The following SCN1A variants were observed in gnomAD, a reference collection of about 807,000 sequenced individuals.
SCN1A encodes the protein sodium channel protein type 1 subunit alpha.
Under a neutral mutation model 193.7 loss-of-function variants are expected in SCN1A, and 13 were observed. The ratio of observed to expected loss-of-function variants is 0.07; its 90% CI spans 0.04 to 0.11. The LOEUF is 0.11. Ranked by LOEUF, SCN1A falls within the 10% of genes least tolerant of loss-of-function variation. The pLI is 1.00. For synonymous variants in SCN1A, 781 were observed against 843.6 expected (o/e 0.93, Z 1.29); for missense variants, 1,432 against 2,451.1 (o/e 0.58, Z 8.78).
chr2:165,995,869 A>T, intron 27 of SCN1A, 144 bp downstream of exon 27: 1 of 639,574 alleles, frequency 1.6e-6, no homozygotes. Flanking sequence ...TTATCATAAA[A>T]GATACAAACA....
intron 24 of SCN1A, among the ~76,000 whole-genome samples, chr2:166,001,139 A>AT (rs1028216159): frequency 2.0e-5 from 3 of 151,386 alleles, no homozygotes; most frequent in Admixed American, 1.3e-4. Context: ...TTCTTGCTAG[A>AT]TTTTTTTTAA....
chr2:166,082,908 A>G (rs1162131617), intron 2 of SCN1A, among the ~76,000 whole-genome samples: 1 of 152,112 alleles, frequency 6.6e-6, no homozygotes, highest in African/African-American at 2.4e-5. Context: ...AATGCTTGCC[A>G]TCTCCTTGTA....
intron 23 of SCN1A, among the ~76,000 whole-genome samples, chr2:166,003,099 G>A (rs1691166057): frequency 6.6e-6 from 1 of 151,236 alleles, no homozygotes; most frequent in Non-Finnish European, 1.5e-5. Context: ...AAGTTAAAAA[G>A]CCTATACAGA....
chr2:166,003,466 A>G (rs145459416), intron 23 of SCN1A, among the ~76,000 whole-genome samples: 1 of 151,714 alleles, frequency 6.6e-6, no homozygotes, highest in Admixed American at 6.6e-5. Context: ...GAGGGATGCC[A>G]TACATAGTTC....
At chr2:166,000,585 C>T (rs1573995314) in intron 24 of SCN1A, among the ~76,000 whole-genome samples, 1 of 151,670 alleles carries the variant, frequency 6.6e-6, no homozygotes, top group East Asian at 2.0e-4. Context: ...GTCTGTATCA[C>T]AATATATCTT....
rs527237832 is a variant in SCN1A at position 165,989,072 on chromosome 2, G to A, written c.*2173C>T. On this transcript the variant is annotated 3_prime_UTR_variant, in exon 29 of 29. Transcript: ENST00000674923. ...TGTGTGTGTGTGTGTGTGTGTGCGC[G>A]CGCGCTCCCCTTCTCCCCCAATTTG... The A allele has an allele frequency of 0.019, 2,089 of 110,426 alleles. 36 individuals are homozygous for A. The highest frequency in any genetic ancestry group is 0.04 in the African/African-American group (1,409 of 34,914). The allele number at this position is 110,426 out of a possible 1,614,324, so 6.8% of individuals were successfully genotyped here. A position where few individuals can be genotyped will look rare whatever the true frequency, so the allele number is the denominator to read the frequency against.
At chr2:166,070,209 A>T (rs1684269738) in intron 4 of SCN1A, among the ~76,000 whole-genome samples, 1 of 152,216 alleles carries the variant, frequency 6.6e-6, no homozygotes, top group Admixed American at 6.5e-5. Flanking sequence ...GAAATTTCAA[A>T]CACATAACTC....
chr2:166,102,077 C>A (rs751152244), intron 2 of SCN1A, among the ~76,000 whole-genome samples: 12 of 152,124 alleles, frequency 7.9e-5, no homozygotes, highest in Non-Finnish European at 1.6e-4. Flanking sequence ...AAAGACAGTT[C>A]TCAAAAGAAT....
chr2:166,002,860 G>T, intron 23 of SCN1A, 107 bp from the exon 24 acceptor site: 2 of 917,854 alleles, frequency 2.2e-6, no homozygotes, highest in Non-Finnish European at 1.6e-6. Flanking sequence ...TTCTATCAAT[G>T]CTATTTATTC....
Position 166,045,185 on chromosome 2 carries a change from T to C in SCN1A, c.1520A>G (p.Lys507Arg). The C allele has an allele frequency of 6.2e-7, 1 of 1,614,122 alleles. No homozygotes were observed. The highest frequency in any genetic ancestry group is 8.5e-7 in the Non-Finnish European group (1 of 1,180,018). The change falls in exon 13 of 29, where the codon AAA (lysine) becomes AGA (arginine). Residue 507 changes from lysine to arginine, a missense_variant. By Grantham distance (26) the Lys-to-Arg change is conservative. Coordinates refer to ENST00000674923, the MANE Select transcript of SCN1A (RefSeq NM_001165963.4). The stretch of plus-strand genomic sequence containing the variant: ...TTTCTCTTCCCCACCAGACTGCTCT[T>C]TCTGTTTTCTTTTCTTCCTCCGATT... Reference protein sequence around the residue: ...RRNRRKKRKQKEQSGGEEKDE... With the variant: ...RRNRRKKRKQREQSGGEEKDE...
At chr2:166,027,835 A>G (rs1574125377) in intron 19 of SCN1A, among the ~76,000 whole-genome samples, 1 of 152,190 alleles carries the variant, frequency 6.6e-6, no homozygotes, top group Admixed American at 6.5e-5. Context: ...ATTGTACACT[A>G]TGCATATTAA....
chr2:166,097,710 G>A (rs1162427913), intron 2 of SCN1A, among the ~76,000 whole-genome samples: 1 of 152,130 alleles, frequency 6.6e-6, no homozygotes, highest in Non-Finnish European at 1.5e-5. Flanking sequence ...CTCCTCAGTA[G>A]CTTGGAGTAC....
At chr2:166,011,186 G>C (rs929903347) in intron 22 of SCN1A, among the ~76,000 whole-genome samples, 5 of 151,006 alleles carry the variant, frequency 3.3e-5, no homozygotes, top group African/African-American at 1.2e-4. Context: ...CCTTTGTTCA[G>C]GGTCAAGGAA....
In SCN1A at chr2:166,013,893, C is replaced by T; in HGVS notation, c.3556G>A (p.Val1186Ile). The change falls in exon 21 of 29, where the codon GTA becomes ATA. Residue 1186 changes from valine (V) to isoleucine (I), a missense_variant. Physicochemically the swap from Val to Ile is conservative, Grantham distance 29 (BLOSUM62 3). Transcript: ENST00000674923. ...EPEACFTEGC[V>I]QRFKCCQINV... ...ATTTGACAACACTTGAATCTTTGTACACAGCCTGCAGAAAGTGTTGAAATA... is the reference window on the plus strand; with the variant it reads ...ATTTGACAACACTTGAATCTTTGTATACAGCCTGCAGAAAGTGTTGAAATA... The T allele has an allele frequency of 6.2e-6, 10 of 1,611,298 alleles. No homozygotes were observed. Among genetic ancestry groups the T allele is most frequent in the Non-Finnish European group, 8.5e-6 (10 of 1,178,328 alleles).
intron 24 of SCN1A, among the ~76,000 whole-genome samples, chr2:166,001,295 A>G (rs772185561): frequency 2.0e-5 from 3 of 151,736 alleles, no homozygotes; most frequent in Non-Finnish European, 4.4e-5. Flanking sequence ...ACCCGTTCTT[A>G]CCAGATTTAA....
In SCN1A at chr2:166,039,910, CTTTTTTTTTTTT is replaced by C. The variant is rs10523688; in HGVS notation, c.2416-326_2416-315del. On this transcript the variant is annotated intron_variant, in intron 16 of 28. Coordinates refer to ENST00000674923, the MANE Select transcript of SCN1A (RefSeq NM_001165963.4). ...AAACTAGGATTTGAGTACAAGTCAT[CTTTTTTTTTTTT>C]TTTTTTTTTTTTTTTTTTTTGAGAC... 5.3e-3 allele frequency among the ~76,000 whole-genome samples: 593 copies of C among 110,882 alleles called. 3 individuals carry two copies. The highest frequency in any genetic ancestry group is 0.012 in the Middle Eastern group (2 of 172). The allele number at this position is 110,882 out of a possible 152,430, so 72.7% of individuals were successfully genotyped here.
intron 23 of SCN1A, among the ~76,000 whole-genome samples, chr2:166,003,107 A>C (rs937381747): frequency 2.0e-5 from 3 of 151,560 alleles, no homozygotes; most frequent in Admixed American, 6.6e-5. Context: ...AAGCCTATAC[A>C]GAAGTTTAAC....
At chr2:166,114,019 A>G (rs952407074) in intron 2 of SCN1A, among the ~76,000 whole-genome samples, 1 of 152,184 alleles carries the variant, frequency 6.6e-6, no homozygotes, top group African/African-American at 2.4e-5. Context: ...AACTATTCAT[A>G]TTTGAAAAAT....
rs1198448696 is a variant in SCN1A at position 166,009,817 on chromosome 2, T to G, written c.3904A>C (p.Asn1302His). 6.2e-7 allele frequency: 1 copy of G among 1,607,172 alleles called. No individual in the cohort carries two copies. Among genetic ancestry groups the G allele is most frequent in the East Asian group, 2.2e-5 (1 of 44,602 alleles). ...VDVSLVSLTA[N>H]ALGYSELGAI... Reference sequence around the variant, plus strand: ...CCAAGTTCTGAGTAACCCAAGGCATTTGCTGTTAAACTGACCAATGAAACC... The same window carrying G: ...CCAAGTTCTGAGTAACCCAAGGCATGTGCTGTTAAACTGACCAATGAAACC... The change falls in exon 23 of 29, where the codon AAT (asparagine) becomes CAT (histidine). Residue 1302 changes from asparagine to histidine, a missense_variant. Asn to His is a moderately conservative substitution (Grantham distance 68). Transcript: ENST00000674923.
Sources: allele counts gnomAD v4.1 joint callset (sites outside exome capture counted in the v4.1 genomes callset), GRCh38; gene constraint gnomAD v4.1.1; transcripts MANE v1.5; gene names NCBI Gene and HGNC (gene_info 2026-07-23, HGNC 2026-07-21).